Variants in ALCAM observed in about 807,000 individuals in gnomAD.
ALCAM encodes CD166 antigen.
A neutral mutation model predicts 70.9 loss-of-function variants in ALCAM; 30 were observed. The ratio of observed to expected loss-of-function variants is 0.42; its 90% CI spans 0.32 to 0.57. The LOEUF (loss-of-function observed/expected upper bound fraction) is 0.57. Ranked by LOEUF, ALCAM falls within the 20% of genes least tolerant of loss-of-function variation. The pLI, the probability that ALCAM is intolerant of heterozygous loss-of-function variation, is 0.11. For missense variants in ALCAM, 591 were observed against 695.1 expected, an observed-to-expected ratio of 0.85 and a Z score of 1.68; for synonymous variants, 249 against 242.5, an observed-to-expected ratio of 1.03 and a Z score of -0.25.
chr3:105,475,135 T>A (rs1330374863), intron 1 of ALCAM, among the ~76,000 whole-genome samples: 2 of 151,934 alleles, frequency 1.3e-5, no homozygotes, highest in African/African-American at 2.4e-5. Flanking sequence ...CCTGCTTTTC[T>A]CCTTGAAGAT....
intron 5 of ALCAM, among the ~76,000 whole-genome samples, chr3:105,534,290 A>C (rs1306922032): frequency 6.6e-6 from 1 of 152,148 alleles, no homozygotes; most frequent in African/African-American, 2.4e-5. Context: ...TCAGGATCTA[A>C]ATATGTTGCC....
chr3:105,500,933 A>T (rs1006931019), intron 1 of ALCAM, among the ~76,000 whole-genome samples: 2 of 152,218 alleles, frequency 1.3e-5, no homozygotes, highest in African/African-American at 2.4e-5. Context: ...GGTTTTGAGC[A>T]GTCAAAATAA....
At chr3:105,423,985 C>G (rs1483203462) in intron 1 of ALCAM, among the ~76,000 whole-genome samples, 2 of 151,520 alleles carry the variant, frequency 1.3e-5, no homozygotes, top group African/African-American at 4.8e-5. Flanking sequence ...TTTCAGATTA[C>G]TCATTCATTC....
At chr3:105,375,933 T>C (rs1935364725) in intron 1 of ALCAM, among the ~76,000 whole-genome samples, 1 of 152,182 alleles carries the variant, frequency 6.6e-6, no homozygotes, top group Non-Finnish European at 1.5e-5. Context: ...TGACCCTGTA[T>C]TAACAATTTT....
chr3:105,430,073 A>G (rs1405048759), intron 1 of ALCAM, among the ~76,000 whole-genome samples: 4 of 152,000 alleles, frequency 2.6e-5, no homozygotes, highest in Admixed American at 2.0e-4. Flanking sequence ...CAATATATCA[A>G]CACATTTTCA....
chr3:105,552,658 T>G, intron 14 of ALCAM, 73 bp downstream of exon 14: 4 of 1,606,938 alleles, frequency 2.5e-6, no homozygotes, highest in Non-Finnish European at 2.6e-6. Flanking sequence ...CTAATTTTGC[T>G]CACTCCAGTC....
At chr3:105,558,154 C>A (rs1440681996) in intron 14 of ALCAM, among the ~76,000 whole-genome samples, 1 of 152,030 alleles carries the variant, frequency 6.6e-6, no homozygotes, top group Middle Eastern at 3.2e-3. Flanking sequence ...GAAGTGGTAA[C>A]TCTACACTGC....
chr3:105,418,156 A>T (rs772264710), intron 1 of ALCAM, among the ~76,000 whole-genome samples: 7 of 151,870 alleles, frequency 4.6e-5, no homozygotes, highest in Non-Finnish European at 7.4e-5. Context: ...AAATTCACCA[A>T]GTATAAGCTC....
intron 1 of ALCAM, among the ~76,000 whole-genome samples, chr3:105,448,339 G>A (rs994576863): frequency 1.3e-5 from 2 of 151,398 alleles, no homozygotes; most frequent in South Asian, 2.1e-4. Flanking sequence ...AAAACTTTAA[G>A]CTAAAAGAAA....
intron 1 of ALCAM, among the ~76,000 whole-genome samples, chr3:105,448,519 G>T (rs1937348721): frequency 6.6e-6 from 1 of 152,010 alleles, no homozygotes; most frequent in Admixed American, 6.6e-5. Context: ...AGAGCAATGA[G>T]TAACCATGGC....
chr3:105,422,203 A>T (rs9883799), intron 1 of ALCAM, among the ~76,000 whole-genome samples: 1 of 151,028 alleles, frequency 6.6e-6, no homozygotes, highest in Non-Finnish European at 1.5e-5. Context: ...AATATTCCAT[A>T]GTATATATAT....
At chr3:105,460,543 C>G (rs544900577) in intron 1 of ALCAM, among the ~76,000 whole-genome samples, 1 of 152,084 alleles carries the variant, frequency 6.6e-6, no homozygotes, top group Non-Finnish European at 1.5e-5. Context: ...AATCTGGAGT[C>G]AAAGTCAAAT....
intron 1 of ALCAM, among the ~76,000 whole-genome samples, chr3:105,455,136 T>A (rs1260601654): frequency 1.3e-5 from 2 of 152,132 alleles, no homozygotes; most frequent in Admixed American, 1.3e-4. Flanking sequence ...TTTACCAAGT[T>A]ATGATTTGTA....
chr3:105,380,218 A>G (rs1197728955), intron 1 of ALCAM, among the ~76,000 whole-genome samples: 1 of 151,826 alleles, frequency 6.6e-6, no homozygotes, highest in Admixed American at 6.6e-5. Context: ...TGTATTTTCA[A>G]GCTAAATTGA....
At chr3:105,550,480 A>G (rs1940366094) in intron 12 of ALCAM, among the ~76,000 whole-genome samples, 1 of 151,490 alleles carries the variant, frequency 6.6e-6, no homozygotes, top group South Asian at 2.1e-4. Context: ...TTTATGGGTC[A>G]GAGGCCTTAT....
intron 1 of ALCAM, among the ~76,000 whole-genome samples, chr3:105,506,314 A>C (rs1186532580): frequency 6.6e-6 from 1 of 152,202 alleles, no homozygotes; most frequent in Non-Finnish European, 1.5e-5. Flanking sequence ...TAGCTGAAGA[A>C]CACACACTTA....
At chr3:105,501,828 C>G (rs1938929814) in intron 1 of ALCAM, among the ~76,000 whole-genome samples, 1 of 152,108 alleles carries the variant, frequency 6.6e-6, no homozygotes, top group Non-Finnish European at 1.5e-5. Flanking sequence ...ATAGTGCCTG[C>G]CAATACTTAA....
At chr3:105,447,302 A>C (rs1380700379) in intron 1 of ALCAM, among the ~76,000 whole-genome samples, 1 of 152,188 alleles carries the variant, frequency 6.6e-6, no homozygotes, top group East Asian at 1.9e-4. Flanking sequence ...TAGAATGTTG[A>C]GCTAAGACGA....
intron 1 of ALCAM, among the ~76,000 whole-genome samples, chr3:105,490,278 T>G (rs1482663702): frequency 1.3e-5 from 2 of 152,216 alleles, no homozygotes; most frequent in Non-Finnish European, 2.9e-5. Context: ...AAGCATTCAG[T>G]TGATGCCTTG....
Sources: allele counts gnomAD v4.1 joint callset (sites outside exome capture counted in the v4.1 genomes callset), GRCh38; gene constraint gnomAD v4.1.1; transcripts MANE v1.5; gene names NCBI Gene and HGNC (gene_info 2026-07-23, HGNC 2026-07-21).